Variants in PIWIL1 observed in about 807,000 individuals in gnomAD.
PIWIL1 encodes piwi-like protein 1.
Under a neutral mutation model 114.4 loss-of-function variants are expected in PIWIL1, and 73 were observed. That is an observed-to-expected ratio of 0.64 (90% confidence interval 0.53 to 0.78). The LOEUF (loss-of-function observed/expected upper bound fraction) is 0.78. Among genes scored for constraint, PIWIL1 ranks in the 30% least tolerant of loss-of-function variants. The probability of loss-of-function intolerance (pLI) is 0.00; values close to 1 mark genes in which losing one functional copy is unlikely to be tolerated. For missense variants in PIWIL1, 723 were observed against 1,063.1 expected (o/e 0.68, Z 4.45); for synonymous variants, 375 against 369.0 (o/e 1.02, Z -0.19).
intron 18 of PIWIL1, among the ~76,000 whole-genome samples, chr12:130,365,339 C>CT (rs1251444545): frequency 6.6e-6 from 1 of 152,160 alleles, no homozygotes; most frequent in Non-Finnish European, 1.5e-5. Flanking sequence ...GAACAGTTAA[C>CT]TGAGGCATTG....
Position 130,361,209 on chromosome 12 carries a change from G to C in PIWIL1, c.1695G>C (p.Lys565Asn), listed in dbSNP as rs1380318463. Residue 565 changes from lysine (K) to asparagine (N), a missense_variant, in exon 15 of 21, where the codon AAG (lysine) becomes AAC (asparagine). Coordinates refer to ENST00000245255, the MANE Select transcript of PIWIL1 (RefSeq NM_004764.5). ...TCTGTCTGTTGTCAAGTAATCGGAA[G>C]GACAAATACGATGCTATTAAAAAAT... ...IVVCLLSSNRKDKYDAIKKYL... is the reference protein window; with the variant it reads ...IVVCLLSSNRNDKYDAIKKYL... 1 of 1,614,040 alleles carries C rather than the reference G, an allele frequency of 6.2e-7. No individual in the cohort carries two copies. Among genetic ancestry groups the C allele is most frequent in the Admixed American group, 1.7e-5 (1 of 59,994 alleles).
At chr12:130,405,350 G>C in the PIWIL1 span, among the ~76,000 whole-genome samples, 1 of 152,212 alleles carries the variant, frequency 6.6e-6, no homozygotes, top group East Asian at 1.9e-4. Flanking sequence ...TGCGGCTGTA[G>C]CATGTTTGAC....
chr12:130,354,389 G>C, intron 9 of PIWIL1, 148 bp from the exon 10 acceptor site: 1 of 909,406 alleles, frequency 1.1e-6, no homozygotes, highest in Non-Finnish European at 1.7e-6. Flanking sequence ...TAAAAAAAAT[G>C]CCTTTTTAAA....
the PIWIL1 span, among the ~76,000 whole-genome samples, chr12:130,421,259 G>C: frequency 6.6e-6 from 1 of 152,248 alleles, no homozygotes; most frequent in African/African-American, 2.4e-5. Context: ...CACTAACCCT[G>C]CTAGCTGATC....
intron 1 of PIWIL1, among the ~76,000 whole-genome samples, chr12:130,338,398 GCA>G (rs1284520398): frequency 9.1e-5 from 5 of 54,750 alleles, no homozygotes; most frequent in Non-Finnish European, 2.2e-4. Context: ...GGTCCCAGGT[GCA>G]AGGGATGCAG....
chr12:130,403,760 C>T, the PIWIL1 span, among the ~76,000 whole-genome samples: 22 of 152,164 alleles, frequency 1.4e-4, no homozygotes, highest in African/African-American at 5.1e-4. Flanking sequence ...AAAGGTATTC[C>T]AATGAATACA....
chr12:130,369,663 G>A lies in PIWIL1; in HGVS notation c.2322-1513G>A, dbSNP rs539609567. On this transcript the variant is annotated intron_variant, in intron 19 of 20. Coordinates refer to ENST00000245255, the MANE Select transcript of PIWIL1 (RefSeq NM_004764.5). ...GATCAGTGATGTTGAGCTTTTTCAT[G>A]TATGTTTCCTGGACACATAAATTTC... 4.6e-5 allele frequency among the ~76,000 whole-genome samples: 7 copies of A among 152,238 alleles called. No individual in the cohort carries two copies. In the South Asian group the frequency reaches 8.3e-4, roughly 18 times the overall value.
chr12:130,370,729 G>A (rs1344690014), intron 19 of PIWIL1, among the ~76,000 whole-genome samples: 2 of 152,208 alleles, frequency 1.3e-5, no homozygotes, highest in East Asian at 1.9e-4. Context: ...GGAACAGCAA[G>A]AGGGGAAAAG....
At chr12:130,354,001 C>G (rs2073292895) in intron 9 of PIWIL1, among the ~76,000 whole-genome samples, 1 of 151,882 alleles carries the variant, frequency 6.6e-6, no homozygotes, top group African/African-American at 2.4e-5. Context: ...GTGATTGCAT[C>G]TGGGGAACCT....
At position 130,363,041 on chromosome 12, in the gene PIWIL1, A is replaced by G. The variant is rs1457540291; in HGVS notation, c.2092A>G (p.Ile698Val). 3 of 1,614,136 alleles carry G rather than the reference A, an allele frequency of 1.9e-6. No individual in the cohort carries two copies. The highest frequency in any genetic ancestry group is 3.3e-5 in the Admixed American group (2 of 60,012). Residue 698 changes from isoleucine to valine, a missense_variant, in exon 18 of 21, where the codon ATC (isoleucine) becomes GTC (valine). Ile to Val is a conservative substitution (Grantham distance 29, BLOSUM62 3). Transcript: ENST00000245255. ...SCNEYMPSRI[I>V]VYRDGVGDGQ... Reference sequence around the variant, plus strand: ...CAATGAGTACATGCCCAGCCGGATCATCGTGTACCGCGATGGCGTAGGAGA... The same window carrying G: ...CAATGAGTACATGCCCAGCCGGATCGTCGTGTACCGCGATGGCGTAGGAGA...
At chr12:130,400,153 T>A in the PIWIL1 span, among the ~76,000 whole-genome samples, 202 of 152,258 alleles carry the variant, frequency 1.3e-3, 4 homozygotes, top group Middle Eastern at 0.024. Flanking sequence ...CTGGCTGATC[T>A]GAGGCACTAG....
intron 14 of PIWIL1, among the ~76,000 whole-genome samples, chr12:130,358,516 C>T (rs938739603): frequency 5.3e-5 from 8 of 152,100 alleles, no homozygotes; most frequent in Admixed American, 2.0e-4. Context: ...CACAGCACTT[C>T]TGAAGTTTAA....
chr12:130,370,230 G>A (rs1403154890), intron 19 of PIWIL1, among the ~76,000 whole-genome samples: 1 of 124,524 alleles, frequency 8.0e-6, no homozygotes, highest in East Asian at 2.1e-4. Flanking sequence ...ATATTTTATT[G>A]GTACCAAGAA....
chr12:130,353,977 G>A (rs530655921), intron 9 of PIWIL1, among the ~76,000 whole-genome samples: 4 of 151,668 alleles, frequency 2.6e-5, no homozygotes, highest in Middle Eastern at 3.4e-3. Flanking sequence ...AATTGTCAAC[G>A]CTTATTTTGG....
chr12:130,360,235 T>A (rs1344301356), intron 14 of PIWIL1, among the ~76,000 whole-genome samples: 2 of 152,210 alleles, frequency 1.3e-5, no homozygotes, highest in African/African-American at 4.8e-5. Context: ...TATTATGTTA[T>A]CTGGGTAATG....
chr12:130,365,246 A>AGT (rs1359588506), intron 18 of PIWIL1, among the ~76,000 whole-genome samples: 2 of 152,240 alleles, frequency 1.3e-5, no homozygotes, highest in Non-Finnish European at 1.5e-5. Flanking sequence ...GAACTGTGGC[A>AGT]GTAGGGATCA....
intron 9 of PIWIL1, among the ~76,000 whole-genome samples, chr12:130,352,156 C>T (rs1245653261): frequency 6.6e-6 from 1 of 152,016 alleles, no homozygotes. Flanking sequence ...AAGAGGTTGA[C>T]GTTAAGATAT....
At chr12:130,363,342 A>C (rs2073566087) in intron 18 of PIWIL1, among the ~76,000 whole-genome samples, 198 bp downstream of exon 18, 1 of 152,158 alleles carries the variant, frequency 6.6e-6, no homozygotes, top group Admixed American at 6.5e-5. Flanking sequence ...GGTAGTATAG[A>C]GGGTCATTCC....
the PIWIL1 span, among the ~76,000 whole-genome samples, chr12:130,408,422 C>T: frequency 3.9e-5 from 6 of 152,320 alleles, no homozygotes; most frequent in Middle Eastern, 3.4e-3. Flanking sequence ...GGTTTAGCAG[C>T]GGCCGTAGAG....
Sources: gnomAD v4.1 joint callset for allele counts (sites outside exome capture counted in the v4.1 genomes callset) on GRCh38, gnomAD v4.1.1 for gene constraint, MANE v1.5 for transcripts, NCBI Gene and HGNC (gene_info 2026-07-23, HGNC 2026-07-21) for gene names.